The following GRM5 variants were observed in gnomAD, a reference collection of about 807,000 sequenced individuals.
GRM5 encodes the protein metabotropic glutamate receptor 5.
In GRM5, 19 loss-of-function variants were observed where a neutral mutation model predicts 83.1. That is an observed-to-expected ratio of 0.23 (90% CI 0.16 to 0.34). GRM5 has a LOEUF of 0.34. GRM5 is among the 10% of genes least tolerant of loss of function. The pLI is 1.00. For missense variants in GRM5, 1,160 were observed against 1,588.3 expected, an observed-to-expected ratio of 0.73 and a Z score of 4.58; for synonymous variants, 675 against 633.6, an observed-to-expected ratio of 1.07 and a Z score of -0.98.
intron 3 of GRM5, among the ~76,000 whole-genome samples, chr11:88,748,423 G>A (rs946270671): frequency 6.6e-6 from 1 of 152,146 alleles, no homozygotes; most frequent in African/African-American, 2.4e-5. Flanking sequence ...GCCAACAGCA[G>A]TGGGTTGAGG....
intron 3 of GRM5, among the ~76,000 whole-genome samples, chr11:88,666,894 C>A (rs926956550): frequency 6.6e-6 from 1 of 151,932 alleles, no homozygotes; most frequent in Non-Finnish European, 1.5e-5. Context: ...AGTAAATGGA[C>A]AGACATATAA....
intron 3 of GRM5, among the ~76,000 whole-genome samples, chr11:88,839,264 TCTGAAG>T (rs1489963449): frequency 6.6e-6 from 1 of 152,198 alleles, no homozygotes; most frequent in Admixed American, 6.5e-5. Flanking sequence ...CTTGGCATTG[TCTGAAG>T]ATCATAAAGC....
At position 88,504,910 on chromosome 11, in the gene GRM5, C is replaced by T. The variant is rs2135063672; in HGVS notation, c.*3682G>A. 2 of 152,242 alleles carry T rather than the reference C, an allele frequency of 1.3e-5. No homozygotes were observed. Among genetic ancestry groups the T allele is most frequent in the East Asian group, 1.9e-4 (1 of 5,184 alleles). 9.4% of individuals were successfully genotyped at this position (152,242 alleles called of 1,614,324 possible). A position where few individuals can be genotyped will look rare whatever the true frequency, so the allele number is the denominator to read the frequency against. On this transcript the variant is annotated 3_prime_UTR_variant, in exon 10 of 10. Coordinates refer to ENST00000305447, the MANE Select transcript of GRM5 (RefSeq NM_001143831.3). ...TAAGTACAAGCACTTTTAGCCCACA[C>T]AAATCTTTTAGGATTGGCACCATCT...
intron 2 of GRM5, among the ~76,000 whole-genome samples, chr11:88,854,875 C>A (rs1427064944): frequency 6.6e-6 from 1 of 151,924 alleles, no homozygotes; most frequent in East Asian, 1.9e-4. Flanking sequence ...GGCACCAAAT[C>A]ATACTTTAGT....
At chr11:88,945,558 G>C (rs1401808842) in intron 2 of GRM5, among the ~76,000 whole-genome samples, 1 of 151,808 alleles carries the variant, frequency 6.6e-6, no homozygotes, top group Non-Finnish European at 1.5e-5. Flanking sequence ...ATAGACCAAC[G>C]GAACAGAACT....
chr11:88,631,063 T>C (rs536411337), intron 4 of GRM5, among the ~76,000 whole-genome samples: 1 of 152,272 alleles, frequency 6.6e-6, no homozygotes, highest in African/African-American at 2.4e-5. Context: ...TGGCAATTAC[T>C]GAAATGTCAA....
chr11:88,773,073 A>G (rs1381318665), intron 3 of GRM5, among the ~76,000 whole-genome samples: 2 of 152,162 alleles, frequency 1.3e-5, no homozygotes, highest in South Asian at 4.1e-4. Context: ...CCAACAGTGT[A>G]AAAGCATTCC....
chr11:89,006,774 A>C (rs946870803), intron 2 of GRM5, among the ~76,000 whole-genome samples: 11 of 151,882 alleles, frequency 7.2e-5, no homozygotes, highest in Admixed American at 3.9e-4. Context: ...ATAATTTCAA[A>C]TCTTTTTTGT....
At chr11:88,820,487 T>G (rs1943771036) in intron 3 of GRM5, among the ~76,000 whole-genome samples, 1 of 152,110 alleles carries the variant, frequency 6.6e-6, no homozygotes, top group Non-Finnish European at 1.5e-5. Context: ...GTTCACTGGT[T>G]TGCTGGTCTT....
intron 2 of GRM5, among the ~76,000 whole-genome samples, chr11:88,933,499 G>A (rs368176288): frequency 8.6e-5 from 13 of 151,724 alleles, no homozygotes; most frequent in African/African-American, 3.1e-4. Context: ...ATCTATGAAT[G>A]TGCTACTCTT....
chr11:88,524,964 C>T (rs1941830183), intron 9 of GRM5, among the ~76,000 whole-genome samples: 3 of 152,162 alleles, frequency 2.0e-5, no homozygotes, highest in African/African-American at 7.2e-5. Context: ...TTGGATAGCC[C>T]TGAAATATGA....
At chr11:89,042,120 C>G (rs1941549509) in intron 2 of GRM5, among the ~76,000 whole-genome samples, 1 of 152,180 alleles carries the variant, frequency 6.6e-6, no homozygotes, top group Non-Finnish European at 1.5e-5. Flanking sequence ...TCTTGGCTCA[C>G]TGCAACCTCC....
At chr11:88,896,599 CT>C (rs1327007845) in intron 2 of GRM5, among the ~76,000 whole-genome samples, 21 of 151,882 alleles carry the variant, frequency 1.4e-4, no homozygotes, top group African/African-American at 4.8e-4. Flanking sequence ...AAGCTTGAGA[CT>C]GAAGAAGACC....
At chr11:89,011,182 C>T (rs1209978104) in intron 2 of GRM5, among the ~76,000 whole-genome samples, 1 of 152,074 alleles carries the variant, frequency 6.6e-6, no homozygotes, top group African/African-American at 2.4e-5. Flanking sequence ...ATGCACTAGC[C>T]CTTTTTTCTT....
chr11:89,028,865 G>A (rs571251286), intron 2 of GRM5, among the ~76,000 whole-genome samples: 97 of 152,206 alleles, frequency 6.4e-4, no homozygotes, highest in African/African-American at 2.3e-3. Context: ...ACACACACGT[G>A]CCATGGTGGT....
chr11:89,002,857 A>T (rs1041478422), intron 2 of GRM5, among the ~76,000 whole-genome samples: 2 of 151,994 alleles, frequency 1.3e-5, no homozygotes, highest in African/African-American at 4.8e-5. Flanking sequence ...TCTCTTTCAG[A>T]TCATTGCTCT....
At chr11:88,602,982 T>A (rs568504828) in intron 5 of GRM5, among the ~76,000 whole-genome samples, 1 of 152,178 alleles carries the variant, frequency 6.6e-6, no homozygotes, top group Admixed American at 6.5e-5. Context: ...AGGCCAACTC[T>A]GATAATTTAT....
chr11:88,518,590 C>G (rs1183901173), intron 9 of GRM5, among the ~76,000 whole-genome samples: 6 of 151,894 alleles, frequency 4.0e-5, no homozygotes, highest in Non-Finnish European at 7.4e-5. Context: ...TTTTATGTAA[C>G]TATTCACTGA....
intron 2 of GRM5, among the ~76,000 whole-genome samples, chr11:88,987,026 C>A (rs1018887422): frequency 6.6e-6 from 1 of 152,002 alleles, no homozygotes; most frequent in African/African-American, 2.4e-5. Flanking sequence ...CGAATAGGAA[C>A]AGCTCCGGTC....
Sources: allele counts gnomAD v4.1 joint callset (sites outside exome capture counted in the v4.1 genomes callset), GRCh38; gene constraint gnomAD v4.1.1; transcripts MANE v1.5; gene names NCBI Gene and HGNC (gene_info 2026-07-23, HGNC 2026-07-21).